The following SMAD3 variants were observed in gnomAD, a reference collection of about 807,000 sequenced individuals.
SMAD3 encodes MAD homolog 3.
In SMAD3, 12 loss-of-function variants were observed where a neutral mutation model predicts 51.8. The observed-to-expected ratio is 0.23, with a 90% confidence interval of 0.15 to 0.38. The LOEUF (loss-of-function observed/expected upper bound fraction) is 0.38. Ranked by LOEUF, SMAD3 falls within the 10% of genes least tolerant of loss-of-function variation. The pLI, the probability that SMAD3 is intolerant of heterozygous loss-of-function variation, is 1.00. For synonymous variants in SMAD3, 238 were observed against 227.7 expected, an observed-to-expected ratio of 1.05 and a Z score of -0.41; for missense variants, 294 against 565.6, an observed-to-expected ratio of 0.52 and a Z score of 4.87.
chr15:67,095,755 G>A (rs1225880744), intron 1 of SMAD3, among the ~76,000 whole-genome samples: 3 of 152,100 alleles, frequency 2.0e-5, no homozygotes, highest in Non-Finnish European at 4.4e-5. Context: ...GGCTGGTCTC[G>A]AACTCCTGAC....
At chr15:67,140,294 C>T (rs1961784351) in intron 1 of SMAD3, among the ~76,000 whole-genome samples, 1 of 152,228 alleles carries the variant, frequency 6.6e-6, no homozygotes, top group South Asian at 2.1e-4. Context: ...CTAGTCCCCA[C>T]TGAAAATGGA....
At chr15:67,071,293 G>A (rs534509272) in intron 1 of SMAD3, among the ~76,000 whole-genome samples, 4 of 152,320 alleles carry the variant, frequency 2.6e-5, no homozygotes, top group East Asian at 1.9e-4. Context: ...GAATGAGGAC[G>A]TCTTTATCCT....
At position 67,191,598 on chromosome 15, in the gene SMAD3, A is replaced by G. The variant is rs1963366421; in HGVS notation, c.*1062A>G. ...TGGGAAACCTGAGTGAGACCCAGCA[A>G]CTGCTTCTCTCCCTTCTCTCTCCTG... On this transcript the variant is annotated 3_prime_UTR_variant, in exon 9 of 9. Coordinates refer to ENST00000327367, the MANE Select transcript of SMAD3 (RefSeq NM_005902.4). 1 of 233,136 alleles carries G rather than the reference A, an allele frequency of 4.3e-6. No individual in the cohort carries two copies. The highest frequency in any genetic ancestry group is 5.6e-5 in the Admixed American group (1 of 17,784). The allele number at this position is 233,136 out of a possible 1,614,324, so 14.4% of individuals were successfully genotyped here.
Position 67,194,440 on chromosome 15 carries a change from A to G in SMAD3, c.*3904A>G, listed in dbSNP as rs1963449605. On this transcript the variant is annotated 3_prime_UTR_variant, in exon 9 of 9. Coordinates refer to ENST00000327367, the MANE Select transcript of SMAD3 (RefSeq NM_005902.4). ...CTTTTCAAAAACACAGCTATCATAGAAAAGAAACTTGCCTCATGTAAACTG... is the reference window on the plus strand; with the variant it reads ...CTTTTCAAAAACACAGCTATCATAGGAAAGAAACTTGCCTCATGTAAACTG... 1 of 233,244 alleles carries G rather than the reference A, an allele frequency of 4.3e-6. No individual in the cohort carries two copies. Among genetic ancestry groups the G allele is most frequent in the Admixed American group, 5.6e-5 (1 of 17,778 alleles). 14.4% of individuals were successfully genotyped at this position (233,244 alleles called of 1,614,324 possible).
chr15:67,086,093 G>C (rs568238550), intron 1 of SMAD3, among the ~76,000 whole-genome samples: 1 of 151,890 alleles, frequency 6.6e-6, no homozygotes, highest in South Asian at 2.1e-4. Context: ...GTACAAAGTG[G>C]GGGGTGGTGC....
intron 1 of SMAD3, chr15:67,125,705 CA>C: frequency 4.1e-6 from 4 of 985,562 alleles, no homozygotes; most frequent in Non-Finnish European, 4.8e-6. Flanking sequence ...CCCAGGGGAG[CA>C]AACGGCCTGA....
chr15:67,066,162 C>T lies in SMAD3; in HGVS notation c.8C>T (p.Ser3Phe). The stretch of plus-strand genomic sequence containing the variant: ...CGCGCGCCCTCCCCAGCCATGTCGT[C>T]CATCCTGCCTTTCACTCCCCCGATC... MSSILPFTPPIVK... is the reference protein window; with the variant it reads MSFILPFTPPIVK... Residue 3 changes from serine to phenylalanine, a missense_variant, in exon 1 of 9, where the codon TCC becomes TTC. Ser to Phe is a radical substitution (Grantham distance 155). Coordinates refer to ENST00000327367, the MANE Select transcript of SMAD3 (RefSeq NM_005902.4). The T allele has an allele frequency of 6.3e-7, 1 of 1,598,296 alleles. No homozygotes were observed. The highest frequency in any genetic ancestry group is 2.3e-5 in the East Asian group (1 of 44,112).
intron 4 of SMAD3, among the ~76,000 whole-genome samples, chr15:67,168,446 C>T (rs1962652016): frequency 6.6e-6 from 1 of 152,248 alleles, no homozygotes; most frequent in Admixed American, 6.5e-5. Flanking sequence ...TGCAAGCTTG[C>T]AGCTATTCAG....
intron 1 of SMAD3, among the ~76,000 whole-genome samples, chr15:67,073,959 C>T (rs559342104): frequency 1.3e-5 from 2 of 152,344 alleles, no homozygotes; most frequent in East Asian, 3.9e-4. Flanking sequence ...AGGCCTGAGC[C>T]ACCGCGCCCG....
chr15:67,194,972 A>G lies in SMAD3; in HGVS notation c.*4436A>G, dbSNP rs1963465825. Reference sequence around the variant, plus strand: ...AACATTGACTGTGTTGATTACCTTCACTATTCGGCCAGCCTGACCTTTTAA... The same window carrying G: ...AACATTGACTGTGTTGATTACCTTCGCTATTCGGCCAGCCTGACCTTTTAA... On this transcript the variant is annotated 3_prime_UTR_variant, in exon 9 of 9. Transcript: ENST00000327367. 2 of 233,652 alleles carry G rather than the reference A, an allele frequency of 8.6e-6. No homozygotes were observed. Among genetic ancestry groups the G allele is most frequent in the Non-Finnish European group, 1.7e-5 (2 of 117,952 alleles). The allele number at this position is 233,652 out of a possible 1,614,324, so 14.5% of individuals were successfully genotyped here.
intron 1 of SMAD3, among the ~76,000 whole-genome samples, chr15:67,141,448 C>T (rs1471262392): frequency 6.6e-6 from 1 of 152,090 alleles, no homozygotes; most frequent in South Asian, 2.1e-4. Flanking sequence ...GACCTGGGTC[C>T]GATTCTCAGA....
intron 1 of SMAD3, among the ~76,000 whole-genome samples, chr15:67,073,191 C>G (rs533655847): frequency 9.8e-5 from 15 of 152,346 alleles, no homozygotes; most frequent in African/African-American, 3.4e-4. Context: ...CTCTCTTTCT[C>G]TTTCTCTCTG....
intron 8 of SMAD3, among the ~76,000 whole-genome samples, 197 bp downstream of exon 8, chr15:67,187,706 T>C (rs1238240757): frequency 6.6e-6 from 1 of 152,194 alleles, no homozygotes; most frequent in African/African-American, 2.4e-5. Context: ...TGCAGAACGA[T>C]GTTTGCTGGC....
chr15:67,174,068 A>G (rs571923511), intron 5 of SMAD3, among the ~76,000 whole-genome samples: 2 of 152,344 alleles, frequency 1.3e-5, no homozygotes, highest in South Asian at 2.1e-4. Flanking sequence ...AGCCTTTCCC[A>G]TAGCGGGGCC....
At chr15:67,183,027 ATATATTTTTT>A (rs1179494387) in intron 6 of SMAD3, among the ~76,000 whole-genome samples, 23 of 63,850 alleles carry the variant, frequency 3.6e-4, no homozygotes, top group East Asian at 1.8e-3. Flanking sequence ...ATATATATAT[ATATATTTTTT>A]TTTTTTTTTT....
At chr15:67,112,154 CT>C (rs753530213) in intron 1 of SMAD3, among the ~76,000 whole-genome samples, 1 of 90,424 alleles carries the variant, frequency 1.1e-5, no homozygotes, top group African/African-American at 5.0e-5. Flanking sequence ...TTTTTCTTTC[CT>C]TTTTTTTTTT....
At chr15:67,184,994 G>A (rs1430869121) in intron 7 of SMAD3, 130 bp downstream of exon 7, 2 of 1,234,956 alleles carry the variant, frequency 1.6e-6, no homozygotes, top group South Asian at 1.3e-5. Context: ...GGAGGTGATT[G>A]GATTAGGTTT....
intron 6 of SMAD3, among the ~76,000 whole-genome samples, chr15:67,184,390 AGCCACCGC>A (rs1157771204): frequency 1.3e-5 from 2 of 152,132 alleles, no homozygotes; most frequent in African/African-American, 4.8e-5. Context: ...TATTGGTGTG[AGCCACCGC>A]GCCTGGCCCC....
intron 1 of SMAD3, chr15:67,098,674 T>G (rs1960674696): frequency 3.6e-6 from 2 of 562,808 alleles, no homozygotes; most frequent in Non-Finnish European, 6.4e-6. Context: ...GTGAGCTAAT[T>G]AAAGAAAACA....
Sources: gnomAD v4.1 joint callset for allele counts (sites outside exome capture counted in the v4.1 genomes callset) on GRCh38, gnomAD v4.1.1 for gene constraint, MANE v1.5 for transcripts, NCBI Gene and HGNC (gene_info 2026-07-23, HGNC 2026-07-21) for gene names.